The following BARX2 variants were observed in gnomAD, a reference collection of about 807,000 sequenced individuals.
BARX2 encodes BARX homeobox 2.
Under a neutral mutation model 25.5 loss-of-function variants are expected in BARX2, and 11 were observed. That is an observed-to-expected ratio of 0.43 (90% CI 0.27 to 0.71). BARX2 has a LOEUF of 0.71. Among genes scored for constraint, BARX2 ranks in the 30% least tolerant of loss-of-function variants. The pLI is 0.19. For synonymous variants in BARX2, 137 were observed against 149.5 expected (o/e 0.92, Z 0.61); for missense variants, 360 against 359.9 (o/e 1.00, Z 0.00).
At chr11:129,434,212 T>C (rs1862160532) in intron 1 of BARX2, among the ~76,000 whole-genome samples, 1 of 151,562 alleles carries the variant, frequency 6.6e-6, no homozygotes. Context: ...TTAGTTTATA[T>C]ATAGTTTATC....
chr11:129,375,925 C>T lies in BARX2; in HGVS notation c.-111C>T. 1 of 603,066 alleles carries T rather than the reference C, an allele frequency of 1.7e-6. No homozygotes were observed. Among genetic ancestry groups the T allele is most frequent in the African/African-American group, 2.0e-5 (1 of 49,664 alleles). 37.4% of individuals were successfully genotyped at this position (603,066 alleles called of 1,614,324 possible). A position where few individuals can be genotyped will look rare whatever the true frequency, so the allele number is the denominator to read the frequency against. On this transcript the variant is annotated 5_prime_UTR_variant, in exon 1 of 4. Coordinates refer to ENST00000281437, the MANE Select transcript of BARX2 (RefSeq NM_003658.5). The surrounding 1 kb of genome is among the most constrained non-coding windows in gnomAD (Gnocchi z 4.0). Reference sequence around the variant, plus strand: ...GCGCCACCCGAGCCCCGCCGCCTCCCCAGCTGCCGGGAGCGGGGCCCAGGC... The same window carrying T: ...GCGCCACCCGAGCCCCGCCGCCTCCTCAGCTGCCGGGAGCGGGGCCCAGGC...
chr11:129,443,452 A>T (rs1862287985), intron 3 of BARX2, among the ~76,000 whole-genome samples: 1 of 152,110 alleles, frequency 6.6e-6, no homozygotes, highest in Non-Finnish European at 1.5e-5. Context: ...CCTCTAACGC[A>T]GTGATCCTCA....
chr11:129,435,218 T>G (rs1862175339), intron 1 of BARX2, among the ~76,000 whole-genome samples: 1 of 152,206 alleles, frequency 6.6e-6, no homozygotes, highest in African/African-American at 2.4e-5. Flanking sequence ...TTTTTTTTTC[T>G]TAAAAAGAAT....
At chr11:129,403,489 C>T (rs528820975) in intron 1 of BARX2, among the ~76,000 whole-genome samples, 2 of 152,148 alleles carry the variant, frequency 1.3e-5, no homozygotes, top group Non-Finnish European at 2.9e-5. Context: ...AGTCCCCACT[C>T]GGCACTCTGG....
intron 2 of BARX2, among the ~76,000 whole-genome samples, chr11:129,441,436 G>A (rs1419523092): frequency 6.6e-6 from 1 of 152,126 alleles, no homozygotes; most frequent in South Asian, 2.1e-4. Flanking sequence ...TTGTAGCACA[G>A]AAGTAATTTA....
intron 1 of BARX2, among the ~76,000 whole-genome samples, chr11:129,418,066 C>T (rs1861963865): frequency 6.6e-6 from 1 of 152,110 alleles, no homozygotes; most frequent in Non-Finnish European, 1.5e-5. Flanking sequence ...AGCTTAGAAC[C>T]TAGGGAGAAG....
At chr11:129,441,516 T>C (rs1270698689) in intron 2 of BARX2, among the ~76,000 whole-genome samples, 1 of 152,218 alleles carries the variant, frequency 6.6e-6, no homozygotes, top group Non-Finnish European at 1.5e-5. Context: ...TGGCGCCATC[T>C]CGGCTCACTG....
intron 1 of BARX2, among the ~76,000 whole-genome samples, chr11:129,412,912 A>G (rs1861904864): frequency 6.6e-6 from 1 of 152,232 alleles, no homozygotes; most frequent in South Asian, 2.1e-4. Context: ...TGTTCTCAAG[A>G]AACTTCTATT....
At chr11:129,451,042 A>G in intron 3 of BARX2, 94 bp from the exon 4 acceptor site, 1 of 1,465,036 alleles carries the variant, frequency 6.8e-7, no homozygotes, top group East Asian at 2.3e-5. Context: ...GCTGGAACAG[A>G]TGGTTTAGAT....
chr11:129,385,584 G>T (rs1218771301), intron 1 of BARX2, among the ~76,000 whole-genome samples: 3 of 152,130 alleles, frequency 2.0e-5, no homozygotes, highest in Non-Finnish European at 4.4e-5. Context: ...TGGTTGAAAA[G>T]GCACAAACTA....
intron 1 of BARX2, among the ~76,000 whole-genome samples, chr11:129,400,482 G>A (rs1283083213): frequency 6.6e-6 from 1 of 152,146 alleles, no homozygotes; most frequent in Non-Finnish European, 1.5e-5. Context: ...CTGAGAAGAG[G>A]GGAAAATGTG....
intron 3 of BARX2, among the ~76,000 whole-genome samples, chr11:129,448,627 T>G (rs761197166): frequency 6.6e-6 from 1 of 152,164 alleles, no homozygotes; most frequent in Non-Finnish European, 1.5e-5. Flanking sequence ...CATCAACAAG[T>G]GTTGGTGAGG....
At chr11:129,446,384 C>G (rs968092278) in intron 3 of BARX2, among the ~76,000 whole-genome samples, 1 of 152,162 alleles carries the variant, frequency 6.6e-6, no homozygotes, top group Non-Finnish European at 1.5e-5. Flanking sequence ...CAGTAGCTCT[C>G]TGTGTAATCT....
At position 129,436,873 on chromosome 11, in the gene BARX2, G is replaced by A. The variant is rs778608962; in HGVS notation, c.310G>A (p.Glu104Lys). ...GGCACTGTCCTGCCACCAGGTCACC[G>A]AGGCGGTCTCTGCTGAGGCCCCAGG... ...AQALSCHQVTEAVSAEAPGGE... is the reference protein window; with the variant it reads ...AQALSCHQVTKAVSAEAPGGE... The change falls in exon 2 of 4, where the codon GAG becomes AAG. Residue 104 changes from glutamate to lysine, a missense_variant. Around this residue, in one of 3 missense-constraint regions of BARX2, gnomAD observed 240 missense variants for 228.7 expected, o/e 1.05. Coordinates refer to ENST00000281437, the MANE Select transcript of BARX2 (RefSeq NM_003658.5). The surrounding 1 kb of genome is among the most constrained non-coding windows in gnomAD (Gnocchi z 4.5). 1.1e-5 allele frequency: 17 copies of A among 1,613,882 alleles called. No individual in the cohort carries two copies. Among genetic ancestry groups the A allele is most frequent in the East Asian group, 2.2e-5 (1 of 44,884 alleles).
chr11:129,407,753 C>T (rs1861846168), intron 1 of BARX2, among the ~76,000 whole-genome samples: 1 of 152,000 alleles, frequency 6.6e-6, no homozygotes, highest in Non-Finnish European at 1.5e-5. Flanking sequence ...CATGCATAAA[C>T]AGAAATTATC....
chr11:129,442,868 G>C lies in BARX2; in HGVS notation c.522G>C (p.Gln174His). ...TGGCTCAGTCTCTGGGACTCACTCA[G>C]CTGCAGGTGAAGACCTGGTATCAGA... ...LDLAQSLGLT[Q>H]LQVKTWYQNR... Residue 174 changes from glutamine (Q) to histidine (H), a missense_variant, in exon 3 of 4, where the codon CAG becomes CAC. By Grantham distance (24) the Gln-to-His change is conservative. Coordinates refer to ENST00000281437, the MANE Select transcript of BARX2 (RefSeq NM_003658.5). 6.2e-7 allele frequency: 1 copy of C among 1,614,016 alleles called. No individual in the cohort carries two copies. Among genetic ancestry groups the C allele is most frequent in the East Asian group, 2.2e-5 (1 of 44,862 alleles).
chr11:129,388,030 G>T (rs2047668213), intron 1 of BARX2, among the ~76,000 whole-genome samples: 1 of 151,826 alleles, frequency 6.6e-6, no homozygotes, highest in South Asian at 2.1e-4. Context: ...TCCAGTACTG[G>T]ATATGATTAT....
At chr11:129,377,717 C>T (rs951002376) in intron 1 of BARX2, among the ~76,000 whole-genome samples, 1 of 152,126 alleles carries the variant, frequency 6.6e-6, no homozygotes, top group South Asian at 2.1e-4. Context: ...CAATTCCCTT[C>T]GAGGAAAAAG....
intron 2 of BARX2, chr11:129,438,140 T>C (rs1400685219): frequency 6.6e-6 from 1 of 151,752 alleles, no homozygotes; most frequent in Non-Finnish European, 1.5e-5. Context: ...CTGGCCAAGA[T>C]GGTGAAACCG....
Sources: gnomAD v4.1 joint callset for allele counts (sites outside exome capture counted in the v4.1 genomes callset) on GRCh38, gnomAD v4.1.1 for gene constraint, gnomAD v4.1.1 regional missense constraint, Gnocchi (gnomAD v3.1) non-coding constraint, MANE v1.5 for transcripts, NCBI Gene and HGNC (gene_info 2026-07-23, HGNC 2026-07-21) for gene names.